The following DST variants were observed in gnomAD, a reference collection of about 807,000 sequenced individuals.
DST encodes the protein bullous pemphigoid antigen.
A neutral mutation model predicts 875.2 loss-of-function variants in DST; 253 were observed. That is an observed-to-expected ratio of 0.29 (90% CI 0.26 to 0.32). DST has a LOEUF of 0.32. DST is among the 10% of genes least tolerant of loss of function. DST has a pLI of 1.00. For missense variants in DST, 8,287 were observed against 9,111.6 expected (o/e 0.91, Z 3.68); for synonymous variants, 3,124 against 3,197.1 (o/e 0.98, Z 0.77).
intron 82 of DST, among the ~76,000 whole-genome samples, chr6:56,495,585 G>T (rs937242359): frequency 6.6e-6 from 1 of 151,880 alleles, no homozygotes; most frequent in African/African-American, 2.4e-5. Flanking sequence ...TCAAAGCTGT[G>T]CAAGTACTTT....
intron 78 of DST, among the ~76,000 whole-genome samples, chr6:56,503,098 C>T: frequency 6.6e-6 from 1 of 152,038 alleles, no homozygotes; most frequent in East Asian, 1.9e-4. Context: ...ATTCTTATAT[C>T]ATGGATGTGT....
chr6:56,751,679 C>CCA (rs2099587653), intron 4 of DST, among the ~76,000 whole-genome samples: 1 of 152,148 alleles, frequency 6.6e-6, no homozygotes, highest in African/African-American at 2.4e-5. Context: ...CACCATGTGG[C>CCA]CCATTACCTA....
chr6:56,507,994 A>G (rs2096377824), intron 75 of DST, among the ~76,000 whole-genome samples: 1 of 152,106 alleles, frequency 6.6e-6, no homozygotes, highest in African/African-American at 2.4e-5. Flanking sequence ...TAAGGCAAAA[A>G]CAGTGAGGAT....
At chr6:56,736,428 T>C (rs2099524157) in intron 4 of DST, among the ~76,000 whole-genome samples, 1 of 152,220 alleles carries the variant, frequency 6.6e-6, no homozygotes. Context: ...CAAAACTGTA[T>C]TACACTATCT....
intron 63 of DST, among the ~76,000 whole-genome samples, chr6:56,533,696 A>T (rs1368932542): frequency 1.3e-5 from 2 of 152,220 alleles, no homozygotes; most frequent in Non-Finnish European, 2.9e-5. Flanking sequence ...TCTGGGAGTT[A>T]ACTTTAAATT....
At chr6:56,902,887 G>A (rs1794766078) in intron 2 of DST, among the ~76,000 whole-genome samples, 1 of 151,904 alleles carries the variant, frequency 6.6e-6, no homozygotes, top group Non-Finnish European at 1.5e-5. Flanking sequence ...GCAGCTTCCT[G>A]GACATTCCCC....
At chr6:56,932,906 C>T (rs528301675) in intron 2 of DST, among the ~76,000 whole-genome samples, 16 of 150,392 alleles carry the variant, frequency 1.1e-4, no homozygotes, top group Non-Finnish European at 1.8e-4. Flanking sequence ...AAATGAGCAA[C>T]TAGATAAGCA....
At chr6:56,641,046 T>C (rs1395497424) in intron 17 of DST, among the ~76,000 whole-genome samples, 1 of 152,054 alleles carries the variant, frequency 6.6e-6, no homozygotes, top group African/African-American at 2.4e-5. Context: ...AGAATTACTA[T>C]AGATTCCTAA....
intron 4 of DST, chr6:56,843,678 TCGCCCG>T: frequency 2.1e-6 from 2 of 967,414 alleles, no homozygotes; most frequent in Non-Finnish European, 2.4e-6. Flanking sequence ...CCGCAGACAC[TCGCCCG>T]CGCCGGGGAG....
rs529952465 is a variant in DST, at chr6:56,561,194, A to C, written c.14310+114T>G. ...AAACAAAACTGTCAATTATGTGCTA[A>C]AGGTTACAGAGCTAGAAAAGAAAAC... On this transcript the variant is annotated intron_variant, in intron 57 of 103. Coordinates refer to ENST00000680361, the MANE Select transcript of DST (RefSeq NM_001374736.1). 20 of 1,164,790 alleles carry C rather than the reference A, an allele frequency of 1.7e-5. No homozygotes were observed. The East Asian group carries it at 4.9e-4, about 29-fold the overall frequency. The allele number at this position is 1,164,790 out of a possible 1,614,324, so 72.2% of individuals were successfully genotyped here. A position where few individuals can be genotyped will look rare whatever the true frequency, so the allele number is the denominator to read the frequency against.
intron 2 of DST, among the ~76,000 whole-genome samples, chr6:56,916,659 G>A (rs1007103001): frequency 6.6e-6 from 1 of 151,708 alleles, no homozygotes; most frequent in Non-Finnish European, 1.5e-5. Context: ...AGGCTGAGGT[G>A]GGGGGATCTC....
chr6:56,571,447 G>T (rs1585191734), intron 53 of DST, among the ~76,000 whole-genome samples: 1 of 152,126 alleles, frequency 6.6e-6, no homozygotes, highest in Non-Finnish European at 1.5e-5. Context: ...AAGAAATAAA[G>T]AACAGTAGTT....
At chr6:56,676,985 C>T (rs191010844) in intron 9 of DST, among the ~76,000 whole-genome samples, 15 of 152,112 alleles carry the variant, frequency 9.9e-5, no homozygotes, top group Non-Finnish European at 1.6e-4. Flanking sequence ...TAGTTAGTAA[C>T]GATGTACTGC....
At chr6:56,809,151 C>T (rs1561945639) in intron 4 of DST, among the ~76,000 whole-genome samples, 1 of 152,170 alleles carries the variant, frequency 6.6e-6, no homozygotes. Context: ...CTCTTCTGCC[C>T]TGTGATCTGC....
intron 23 of DST, among the ~76,000 whole-genome samples, 165 bp from the exon 24 acceptor site, chr6:56,635,879 C>A (rs767576917): frequency 3.3e-5 from 5 of 152,116 alleles, no homozygotes; most frequent in Admixed American, 6.5e-5. Context: ...CAAAGAATAA[C>A]CCTTGAAGTT....
chr6:56,630,042 AGGGTTC>A (rs2098764996), intron 31 of DST, among the ~76,000 whole-genome samples, 197 bp downstream of exon 31: 2 of 152,226 alleles, frequency 1.3e-5, no homozygotes, highest in Non-Finnish European at 2.9e-5. Context: ...TACTGTCAAA[AGGGTTC>A]AAACTTCAAA....
chr6:56,620,599 TCTTTCCAACTCA>T, intron 36 of DST: 1 of 1,614,098 alleles, frequency 6.2e-7, no homozygotes, highest in Non-Finnish European at 8.5e-7. Context: ...CAGCTACCAT[TCTTTCCAACTCA>T]CTTATCTTTC....
intron 2 of DST, among the ~76,000 whole-genome samples, chr6:56,937,326 G>GA (rs1049440000): frequency 2.7e-5 from 4 of 150,460 alleles, no homozygotes; most frequent in South Asian, 2.1e-4. Flanking sequence ...AATTCAATAA[G>GA]AAAAAAAAAT....
chr6:56,824,014 C>T (rs1382151748), intron 4 of DST, among the ~76,000 whole-genome samples: 2 of 151,224 alleles, frequency 1.3e-5, no homozygotes, highest in African/African-American at 2.4e-5. Context: ...CCTCTCCCCA[C>T]GGTCTCCCTC....
Sources: gnomAD v4.1 joint callset for allele counts (sites outside exome capture counted in the v4.1 genomes callset) on GRCh38, gnomAD v4.1.1 for gene constraint, MANE v1.5 for transcripts, NCBI Gene and HGNC (gene_info 2026-07-23, HGNC 2026-07-21) for gene names.